Variants in DISP1 observed in about 807,000 individuals in gnomAD.
The protein encoded by DISP1 is dispatched RND transporter family member 1, also known as protein dispatched homolog 1.
A neutral mutation model predicts 37.3 loss-of-function variants in DISP1; 30 were observed. The ratio of observed to expected loss-of-function variants is 0.80; its 90% CI spans 0.60 to 1.09. The LOEUF is 1.09. DISP1 is among the 50% of genes least tolerant of loss of function. The pLI is 0.00. For synonymous variants in DISP1, 634 were observed against 690.2 expected (o/e 0.92, Z 1.28); for missense variants, 1,598 against 1,879.5 (o/e 0.85, Z 2.77).
chr1:222,987,422 G>A (rs1031960165), intron 4 of DISP1, among the ~76,000 whole-genome samples: 3 of 152,150 alleles, frequency 2.0e-5, no homozygotes, highest in Non-Finnish European at 4.4e-5. Context: ...GGTTAGCGTG[G>A]GAAACATCGG....
chr1:222,864,582 T>A (rs550935992), intron 1 of DISP1, among the ~76,000 whole-genome samples: 1 of 152,312 alleles, frequency 6.6e-6, no homozygotes, highest in East Asian at 1.9e-4. Context: ...ATAAAATTGA[T>A]CTATTAAAAA....
chr1:222,894,543 G>A (rs1039601190), intron 1 of DISP1, among the ~76,000 whole-genome samples: 3 of 152,242 alleles, frequency 2.0e-5, no homozygotes, highest in African/African-American at 4.8e-5. Flanking sequence ...CGAGTGCTGG[G>A]AGCAGGGAGC....
At chr1:222,975,234 A>C (rs180836765) in intron 3 of DISP1, among the ~76,000 whole-genome samples, 1 of 152,038 alleles carries the variant, frequency 6.6e-6, no homozygotes, top group Non-Finnish European at 1.5e-5. Context: ...TATCACGCCC[A>C]GGCCAGTCTT....
At chr1:222,980,929 T>C (rs1229231029) in intron 3 of DISP1, among the ~76,000 whole-genome samples, 1 of 152,066 alleles carries the variant, frequency 6.6e-6, no homozygotes, top group East Asian at 1.9e-4. Flanking sequence ...AATGCAAAAA[T>C]TAGCTGGGCT....
rs151124561 is a variant in DISP1 at position 222,965,883 on chromosome 1, C to G, written c.510-17197C>G. Among the ~76,000 whole-genome samples, 42 of 152,046 alleles carry G rather than the reference C, an allele frequency of 2.8e-4. No homozygotes were observed. The East Asian group carries it at 6.0e-3, about 22-fold the overall frequency. The stretch of plus-strand genomic sequence containing the variant: ...GACCTCGTCTCTTAAAAAAAAATTA[C>G]CTGGGCATGGTAGTACATGCCTGTG... On this transcript the variant is annotated intron_variant, in intron 3 of 8. Transcript: ENST00000675850.
chr1:222,923,905 T>A lies in DISP1; in HGVS notation c.-158-4525T>A, dbSNP rs114419744. Among the ~76,000 whole-genome samples, 953 of 152,258 alleles carry A rather than the reference T, an allele frequency of 6.3e-3. 9 individuals carry two copies. The highest frequency in any genetic ancestry group is 0.022 in the African/African-American group (926 of 41,540). On this transcript the variant is annotated intron_variant, in intron 1 of 8. Coordinates refer to ENST00000675850, the MANE Select transcript of DISP1 (RefSeq NM_001377229.1). ...TGGTGAAGTAAATAAATGCTGACGA[T>A]GAGCTCTTAACTAAGCACAAAGCAA...
chr1:222,956,562 G>C (rs1675612180), intron 3 of DISP1, among the ~76,000 whole-genome samples: 1 of 151,988 alleles, frequency 6.6e-6, no homozygotes, highest in African/African-American at 2.4e-5. Flanking sequence ...TATGAAGTAT[G>C]GTTTGATTGT....
rs564246882 is a variant in DISP1, at chr1:222,830,242, T to C, written c.-159+15164T>C. Reference sequence around the variant, plus strand: ...TCAAAGGACTCTTTGAAAGTAGATTTTATTTTTTTGGGGGGGTCATTTCAA... The same window carrying C: ...TCAAAGGACTCTTTGAAAGTAGATTCTATTTTTTTGGGGGGGTCATTTCAA... On this transcript the variant is annotated intron_variant, in intron 1 of 8. Transcript: ENST00000675850. Among the ~76,000 whole-genome samples, 64 of 152,282 alleles carry C rather than the reference T, an allele frequency of 4.2e-4. 1 individual carries two copies. In the South Asian group the frequency reaches 0.01, roughly 25 times the overall value.
At chr1:222,904,998 T>C (rs1671820601) in intron 1 of DISP1, among the ~76,000 whole-genome samples, 1 of 152,172 alleles carries the variant, frequency 6.6e-6, no homozygotes, top group African/African-American at 2.4e-5. Flanking sequence ...TAAATACAAA[T>C]CGGATCATTT....
intron 7 of DISP1, 42 bp from the exon 8 acceptor site, chr1:222,994,843 T>A (rs1242571444): frequency 2.8e-6 from 4 of 1,424,830 alleles, no homozygotes; most frequent in Non-Finnish European, 3.9e-6. Flanking sequence ...AAATGAATAA[T>A]TTATAAACCT....
intron 2 of DISP1, among the ~76,000 whole-genome samples, chr1:222,936,825 T>TG (rs1269064664): frequency 3.6e-5 from 1 of 27,942 alleles, no homozygotes; most frequent in Non-Finnish European, 7.3e-5. Context: ...ATATATAATA[T>TG]ATATAAATTA....
chr1:222,871,607 A>G (rs1189870572), intron 1 of DISP1, among the ~76,000 whole-genome samples: 2 of 152,190 alleles, frequency 1.3e-5, no homozygotes, highest in Admixed American at 6.5e-5. Flanking sequence ...TTGGTGTATA[A>G]GAATGCTTGT....
chr1:222,829,072 G>A (rs1665114242), intron 1 of DISP1, among the ~76,000 whole-genome samples: 1 of 152,098 alleles, frequency 6.6e-6, no homozygotes, highest in Non-Finnish European at 1.5e-5. Flanking sequence ...GTTTGATGAA[G>A]AAGCAACAGA....
At chr1:222,849,809 A>G (rs1572335422) in intron 1 of DISP1, among the ~76,000 whole-genome samples, 2 of 152,146 alleles carry the variant, frequency 1.3e-5, no homozygotes, top group African/African-American at 4.8e-5. Flanking sequence ...TTTAGATCTC[A>G]GTGAGCATGT....
intron 3 of DISP1, among the ~76,000 whole-genome samples, chr1:222,955,879 A>G (rs186646792): frequency 1.8e-4 from 28 of 152,366 alleles, no homozygotes; most frequent in Middle Eastern, 3.4e-3. Flanking sequence ...AAAGACTCCA[A>G]GGCCAAATTT....
In DISP1 at chr1:223,003,843, T is replaced by G. The variant is rs770947437; in HGVS notation, c.2446T>G (p.Phe816Val). The change falls in exon 9 of 9, where the codon TTT becomes GTT. Residue 816 changes from phenylalanine (F) to valine (V), a missense_variant. Phe to Val is a conservative substitution (Grantham distance 50). Transcript: ENST00000675850. This position sits in a 1 kb window ranked among gnomAD's most constrained non-coding sequence, Gnocchi z 4.3. ...AGGGAAGTTGACATTAGATAGCAGT[T>G]TTAACATCGCCAGCCCAGCTTCCCA... ...SKGKLTLDSSFNIASPASQAW... is the reference protein window; with the variant it reads ...SKGKLTLDSSVNIASPASQAW... 3.7e-6 allele frequency: 6 copies of G among 1,614,072 alleles called. No individual in the cohort carries two copies. The highest frequency in any genetic ancestry group is 5.1e-6 in the Non-Finnish European group (6 of 1,180,032).
intron 1 of DISP1, among the ~76,000 whole-genome samples, chr1:222,857,288 A>T (rs1480095726): frequency 6.6e-6 from 1 of 152,116 alleles, no homozygotes; most frequent in African/African-American, 2.4e-5. Context: ...AAAAGAAAAA[A>T]ACTGTGATAT....
At chr1:222,960,902 C>G (rs1676008953) in intron 3 of DISP1, among the ~76,000 whole-genome samples, 3 of 151,948 alleles carry the variant, frequency 2.0e-5, no homozygotes, top group Admixed American at 2.0e-4. Context: ...TACATCCTCC[C>G]AAGACTCAAC....
chr1:222,893,402 C>T lies in DISP1; in HGVS notation c.-158-35028C>T, dbSNP rs1258910844. On this transcript the variant is annotated intron_variant, in intron 1 of 8. Coordinates refer to ENST00000675850, the MANE Select transcript of DISP1 (RefSeq NM_001377229.1). This position sits in a 1 kb window ranked among gnomAD's most constrained non-coding sequence, Gnocchi z 4.3. The stretch of plus-strand genomic sequence containing the variant: ...GCTTGTGCCTGCTGGCCTCATTCCG[C>T]CCACTCGACCTGGCAGGCTGTGCTT... Among the ~76,000 whole-genome samples the T allele has an allele frequency of 6.6e-6, 1 of 152,232 alleles. No homozygotes were observed. The highest frequency in any genetic ancestry group is 1.9e-4 in the East Asian group (1 of 5,198).
Sources: allele counts gnomAD v4.1 joint callset (sites outside exome capture counted in the v4.1 genomes callset), GRCh38; gene constraint gnomAD v4.1.1; non-coding constraint Gnocchi (gnomAD v3.1); transcripts MANE v1.5; gene names NCBI Gene and HGNC (gene_info 2026-07-23, HGNC 2026-07-21).